TNIK: variants seen among roughly 807,000 people sequenced by gnomAD.
The protein encoded by TNIK is TRAF2 and NCK interacting kinase.
Under a neutral mutation model 191.3 loss-of-function variants are expected in TNIK, and 49 were observed. The ratio of observed to expected loss-of-function variants is 0.26; its 90% CI spans 0.20 to 0.32. TNIK has a LOEUF of 0.32. TNIK is among the 10% of genes least tolerant of loss of function. TNIK has a pLI of 1.00. For missense variants in TNIK, 1,155 were observed against 1,702.3 expected (o/e 0.68, Z 5.66); for synonymous variants, 594 against 600.9 (o/e 0.99, Z 0.17).
Position 171,312,319 on chromosome 3 carries a change from AAAT to A in TNIK, c.123+57298_123+57300del, listed in dbSNP as rs376119703. On this transcript the variant is annotated intron_variant, in intron 2 of 32. Transcript: ENST00000436636. ...TCTAATTCTTCCAAAATTATCAGAAAAATATTATTTTTATATGAAAATAGTTCT... is the reference window on the plus strand; with the variant it reads ...TCTAATTCTTCCAAAATTATCAGAAAATTATTTTTATATGAAAATAGTTCT... Among the ~76,000 whole-genome samples, 100 of 152,078 alleles carry A rather than the reference AAAT, an allele frequency of 6.6e-4. 1 individual carries two copies. The South Asian group carries it at 0.017, about 27-fold the overall frequency.
intron 1 of TNIK, among the ~76,000 whole-genome samples, chr3:171,392,519 C>T (rs1407727400): frequency 6.6e-6 from 1 of 152,002 alleles, no homozygotes; most frequent in Admixed American, 6.5e-5. Flanking sequence ...AGTGGCTCGG[C>T]CTGAAGTCCC....
intron 27 of TNIK, 62 bp downstream of exon 27, chr3:171,082,189 A>G (rs1720779007): frequency 6.4e-7 from 1 of 1,571,206 alleles, no homozygotes; most frequent in African/African-American, 1.3e-5. Context: ...GTTTCTGCAG[A>G]AATGAGGTGG....
At chr3:171,162,161 CCTGTAATCCCAGCACT>C (rs1734076531) in intron 10 of TNIK, among the ~76,000 whole-genome samples, 1 of 152,124 alleles carries the variant, frequency 6.6e-6, no homozygotes, top group Non-Finnish European at 1.5e-5. Flanking sequence ...GTGGTTCACG[CCTGTAATCCCAGCACT>C]TTGGGAGGCC....
intron 12 of TNIK, among the ~76,000 whole-genome samples, chr3:171,147,863 C>T (rs1310767859): frequency 2.6e-5 from 4 of 152,144 alleles, no homozygotes; most frequent in Non-Finnish European, 5.9e-5. Flanking sequence ...TGCCATGCTG[C>T]CTCATTTGGG....
intron 2 of TNIK, among the ~76,000 whole-genome samples, chr3:171,302,330 G>A (rs1176724918): frequency 8.0e-6 from 1 of 124,340 alleles, no homozygotes; most frequent in African/African-American, 2.8e-5. Context: ...CACACTCAAA[G>A]AGATTTGTCT....
In TNIK at chr3:171,445,435, A is replaced by T. The variant is rs563180161; in HGVS notation, c.57+14572T>A. Among the ~76,000 whole-genome samples, 632 of 151,918 alleles carry T rather than the reference A, an allele frequency of 4.2e-3. 6 individuals are homozygous for T. Among genetic ancestry groups the T allele is most frequent in the African/African-American group, 0.015 (602 of 41,408 alleles). On this transcript the variant is annotated intron_variant, in intron 1 of 32. Coordinates refer to ENST00000436636, the MANE Select transcript of TNIK (RefSeq NM_015028.4). Reference sequence around the variant, plus strand: ...CCCTGTCTCCAAAAAAAAAAAAAAAAAGTTGAGAGAGGCAGGGCCTAACAG... The same window carrying T: ...CCCTGTCTCCAAAAAAAAAAAAAAATAGTTGAGAGAGGCAGGGCCTAACAG...
At chr3:171,412,134 T>C (rs1722507991) in intron 1 of TNIK, among the ~76,000 whole-genome samples, 1 of 152,156 alleles carries the variant, frequency 6.6e-6, no homozygotes, top group South Asian at 2.1e-4. Flanking sequence ...CCCTTTCTCT[T>C]GGAGAAGAGG....
rs1408742655 is a variant in TNIK at position 171,237,110 on chromosome 3, G to T, written c.124-8889C>A. Among the ~76,000 whole-genome samples the T allele has an allele frequency of 2.0e-5, 3 of 152,242 alleles. No individual in the cohort carries two copies. The East Asian group carries it at 5.8e-4, about 29-fold the overall frequency. The stretch of plus-strand genomic sequence containing the variant: ...CAGAAAGAAAAAGGACCACACTGGT[G>T]TCATGAGAAAAAACAAAGGCAAAGG... On this transcript the variant is annotated intron_variant, in intron 2 of 32. Transcript: ENST00000436636.
intron 23 of TNIK, among the ~76,000 whole-genome samples, chr3:171,090,162 T>C (rs533573690): frequency 3.3e-5 from 5 of 152,222 alleles, no homozygotes; most frequent in Admixed American, 1.3e-4. Context: ...AAAGCTCCTC[T>C]ACAAAGAGAG....
Position 171,273,292 on chromosome 3 carries a change from T to C in TNIK, c.124-45071A>G, listed in dbSNP as rs146066551. ...AGGTTCAATCTGTGGGTACCAGCCATAGTCTTGGGCCATGGAGGCCTTCCT... is the reference window on the plus strand; with the variant it reads ...AGGTTCAATCTGTGGGTACCAGCCACAGTCTTGGGCCATGGAGGCCTTCCT... On this transcript the variant is annotated intron_variant, in intron 2 of 32. Transcript: ENST00000436636. Among the ~76,000 whole-genome samples, 27 of 152,312 alleles carry C rather than the reference T, an allele frequency of 1.8e-4. 1 individual carries two copies. The highest frequency in any genetic ancestry group is 6.5e-4 in the African/African-American group (27 of 41,574).
chr3:171,186,221 C>G (rs1452623529), intron 7 of TNIK, among the ~76,000 whole-genome samples: 3 of 152,132 alleles, frequency 2.0e-5, no homozygotes, highest in African/African-American at 7.2e-5. Context: ...GGATACTGAA[C>G]AGAAAAGGGG....
At chr3:171,325,404 A>G (rs1017173315) in intron 2 of TNIK, among the ~76,000 whole-genome samples, 10 of 152,162 alleles carry the variant, frequency 6.6e-5, no homozygotes, top group Non-Finnish European at 1.0e-4. Context: ...AGTTGTGGCT[A>G]ATAAGAACTA....
intron 2 of TNIK, among the ~76,000 whole-genome samples, chr3:171,236,406 T>C (rs987560757): frequency 6.6e-6 from 1 of 152,378 alleles, no homozygotes; most frequent in Middle Eastern, 3.4e-3. Flanking sequence ...GTTCTGTTTT[T>C]GTTTTCTTTT....
At chr3:171,214,555 C>T (rs1214808600) in intron 3 of TNIK, among the ~76,000 whole-genome samples, 1 of 152,136 alleles carries the variant, frequency 6.6e-6, no homozygotes, top group African/African-American at 2.4e-5. Flanking sequence ...GTACTATTTC[C>T]AAATCTTAAG....
At chr3:171,408,703 G>C (rs1280461972) in intron 1 of TNIK, among the ~76,000 whole-genome samples, 1 of 152,162 alleles carries the variant, frequency 6.6e-6, no homozygotes, top group Non-Finnish European at 1.5e-5. Flanking sequence ...TAAAGGGCCT[G>C]ATACCTACCA....
intron 1 of TNIK, among the ~76,000 whole-genome samples, chr3:171,453,318 G>A (rs572898612): frequency 6.6e-6 from 1 of 152,262 alleles, no homozygotes; most frequent in Admixed American, 6.5e-5. Flanking sequence ...ATGAGTGGGA[G>A]GGACAACTTG....
At chr3:171,424,498 A>G (rs912605504) in intron 1 of TNIK, among the ~76,000 whole-genome samples, 3 of 152,222 alleles carry the variant, frequency 2.0e-5, no homozygotes, top group African/African-American at 7.2e-5. Context: ...TACCCAAAGG[A>G]GTATAAAACA....
At chr3:171,202,911 A>C (rs560993014) in intron 4 of TNIK, among the ~76,000 whole-genome samples, 65 of 152,310 alleles carry the variant, frequency 4.3e-4, no homozygotes, top group Admixed American at 7.2e-4. Flanking sequence ...AGACTAAATA[A>C]CTCCTCCAGA....
intron 2 of TNIK, among the ~76,000 whole-genome samples, chr3:171,301,957 A>G (rs936126077): frequency 6.6e-6 from 1 of 152,218 alleles, no homozygotes; most frequent in African/African-American, 2.4e-5. Flanking sequence ...TTGTGTATAC[A>G]CATACATATA....
Sources: gnomAD v4.1 joint callset for allele counts (sites outside exome capture counted in the v4.1 genomes callset) on GRCh38, gnomAD v4.1.1 for gene constraint, MANE v1.5 for transcripts, NCBI Gene and HGNC (gene_info 2026-07-23, HGNC 2026-07-21) for gene names.